SRXN1: variants seen among roughly 807,000 people sequenced by gnomAD.
The protein encoded by SRXN1 is sulfiredoxin 1.
SRXN1 carries 11 observed loss-of-function variants against 11.0 expected under a neutral mutation model. The observed-to-expected ratio is 1.00, with a 90% CI of 0.63 to 1.65. The LOEUF (loss-of-function observed/expected upper bound fraction) is 1.65. Among genes scored for constraint, SRXN1 ranks in the 40% most tolerant of loss-of-function variants. The probability of loss-of-function intolerance (pLI) is 0.00; values close to 1 mark genes in which losing one functional copy is unlikely to be tolerated. For missense variants in SRXN1, 211 were observed against 194.5 expected (o/e 1.08, Z -0.50); for synonymous variants, 106 against 92.8 (o/e 1.14, Z -0.82).
intron 1 of SRXN1, among the ~76,000 whole-genome samples, chr20:649,694 T>C (rs1398889375): frequency 2.1e-5 from 3 of 140,254 alleles, no homozygotes; most frequent in Non-Finnish European, 3.1e-5. Flanking sequence ...GGAACGAGAA[T>C]CCATCTCAAA....
At position 648,009 on chromosome 20, in the gene SRXN1, CG is replaced by C. The variant is rs1568637978; in HGVS notation, c.*704del. The C allele has an allele frequency of 2.2e-6, 1 of 446,272 alleles. No individual in the cohort carries two copies. 27.6% of individuals were successfully genotyped at this position (446,272 alleles called of 1,614,324 possible). Reference sequence around the variant, plus strand: ...GCTAGAGGTGCAATGGTAGCTGGCTCGGGCCAAGGGCATCTAAGTGAAGATA... The same window carrying C: ...GCTAGAGGTGCAATGGTAGCTGGCTCGGCCAAGGGCATCTAAGTGAAGATA... On this transcript the variant is annotated 3_prime_UTR_variant, in exon 2 of 2. Transcript: ENST00000381962.
At chr20:649,600 G>T (rs903168344) in intron 1 of SRXN1, among the ~76,000 whole-genome samples, 1 of 152,032 alleles carries the variant, frequency 6.6e-6, no homozygotes, top group South Asian at 2.1e-4. Context: ...TACTCAGGAG[G>T]CTGAGGCAGG....
chr20:653,055 ACG>A lies in SRXN1; in HGVS notation c.129_130del (p.Val44AlafsTer47). On this transcript the variant is annotated frameshift_variant, in exon 1 of 2. Transcript: ENST00000381962. LOFTEE classifies it high-confidence loss of function. ...CGGCCGGATGAGCACGCTCAGCGGCACGTTGTGCACCGCGGCGATGCGGCCCG... is the reference window on the plus strand; with the variant it reads ...CGGCCGGATGAGCACGCTCAGCGGCATTGTGCACCGCGGCGATGCGGCCCG... The A allele has an allele frequency of 6.5e-7, 1 of 1,547,188 alleles. No individual in the cohort carries two copies. The highest frequency in any genetic ancestry group is 2.5e-5 in the East Asian group (1 of 39,964).
In SRXN1 at chr20:648,747, C is replaced by G; in HGVS notation, c.381G>C (p.Val127=). The change falls in exon 2 of 2, where the codon GTG becomes GTC. Residue 127 remains valine, a synonymous_variant. Coordinates refer to ENST00000381962, the MANE Select transcript of SRXN1 (RefSeq NM_080725.3). Reference sequence around the variant, plus strand: ...AGTCTGGTGTGGATGCTCCCAGGTACACCCTTAGGTCTGAGAGAGTGGACT... The same window carrying G: ...AGTCTGGTGTGGATGCTCCCAGGTAGACCCTTAGGTCTGAGAGAGTGGACT... ...LVQSTLSDLR[V]YLGASTPDLQ is the part of the protein sequence containing the mutation. 1.2e-6 allele frequency: 2 copies of G among 1,614,268 alleles called. No individual in the cohort carries two copies. The highest frequency in any genetic ancestry group is 1.7e-6 in the Non-Finnish European group (2 of 1,180,038).
At position 648,010 on chromosome 20, in the gene SRXN1, G is replaced by C. The variant is rs76240668; in HGVS notation, c.*704C>G. 1 of 447,166 alleles carries C rather than the reference G, an allele frequency of 2.2e-6. No homozygotes were observed. Among genetic ancestry groups the C allele is most frequent in the Non-Finnish European group, 4.5e-6 (1 of 221,516 alleles). The allele number at this position is 447,166 out of a possible 1,614,324, so 27.7% of individuals were successfully genotyped here. On this transcript the variant is annotated 3_prime_UTR_variant, in exon 2 of 2. Coordinates refer to ENST00000381962, the MANE Select transcript of SRXN1 (RefSeq NM_080725.3). ...CTAGAGGTGCAATGGTAGCTGGCTC[G>C]GGCCAAGGGCATCTAAGTGAAGATA...
chr20:650,249 G>A (rs1983638808), intron 1 of SRXN1, among the ~76,000 whole-genome samples: 1 of 152,194 alleles, frequency 6.6e-6, no homozygotes, highest in Non-Finnish European at 1.5e-5. Context: ...GCACAGGGCT[G>A]GAAGGCAGAG....
Position 648,765 on chromosome 20 carries a change from A to G in SRXN1, c.363T>C (p.Thr121=). The G allele has an allele frequency of 1.9e-6, 3 of 1,614,204 alleles. No individual in the cohort carries two copies. The highest frequency in any genetic ancestry group is 2.2e-5 in the South Asian group (2 of 91,086). Residue 121 remains threonine (T), a synonymous_variant, in exon 2 of 2, where the codon ACT becomes ACC. Transcript: ENST00000381962. ...ETIPAKLVQS[T]LSDLRVYLGA... ...CCAGGTACACCCTTAGGTCTGAGAGAGTGGACTGGACAAGCTTGGCGGGGA... is the reference window on the plus strand; with the variant it reads ...CCAGGTACACCCTTAGGTCTGAGAGGGTGGACTGGACAAGCTTGGCGGGGA...
intron 1 of SRXN1, among the ~76,000 whole-genome samples, chr20:652,171 T>A (rs1215910878): frequency 1.3e-5 from 2 of 151,920 alleles, no homozygotes; most frequent in Non-Finnish European, 2.9e-5. Flanking sequence ...GGCCCTGTGG[T>A]TGTCTGGGGA....
In SRXN1 at chr20:646,724, C is replaced by T. The variant is rs1040706777; in HGVS notation, c.*1990G>A. ...TGTATACCCTTCACCCAGCCTACCCCAAGGTCAACATCTTACATCACCATG... is the reference window on the plus strand; with the variant it reads ...TGTATACCCTTCACCCAGCCTACCCTAAGGTCAACATCTTACATCACCATG... On this transcript the variant is annotated 3_prime_UTR_variant, in exon 2 of 2. Coordinates refer to ENST00000381962, the MANE Select transcript of SRXN1 (RefSeq NM_080725.3). The T allele has an allele frequency of 9.9e-5, 15 of 151,738 alleles. No individual in the cohort carries two copies. Among genetic ancestry groups the T allele is most frequent in the Non-Finnish European group, 1.5e-5 (1 of 67,984 alleles). 9.4% of individuals were successfully genotyped at this position (151,738 alleles called of 1,614,324 possible).
chr20:648,544 T>C lies in SRXN1; in HGVS notation c.*170A>G. ...GGTGGGAACTGGGGCTCCCACACTGTACAGTGAGTCCAAGGCCTTGTAGCT... is the reference window on the plus strand; with the variant it reads ...GGTGGGAACTGGGGCTCCCACACTGCACAGTGAGTCCAAGGCCTTGTAGCT... On this transcript the variant is annotated 3_prime_UTR_variant, in exon 2 of 2. Transcript: ENST00000381962. The C allele has an allele frequency of 1.4e-6, 1 of 724,798 alleles. No homozygotes were observed. Among genetic ancestry groups the C allele is most frequent in the Non-Finnish European group, 2.4e-6 (1 of 424,214 alleles). The allele number at this position is 724,798 out of a possible 1,614,324, so 44.9% of individuals were successfully genotyped here.
chr20:653,149 C>T lies in SRXN1; in HGVS notation c.37G>A (p.Gly13Ser). Residue 13 changes from glycine (G) to serine (S), a missense_variant, in exon 1 of 2, where the codon GGC (glycine) becomes AGC (serine). Gly to Ser is a moderately conservative substitution (Grantham distance 56). Transcript: ENST00000381962. The stretch of plus-strand genomic sequence containing the variant: ...CCCTCGGGCGCCCCCCGACCCGCGC[C>T]GGCCCTGCCCAGCGTTCCTCCTGCA... ...LRAGGTLGRA[G>S]AGRGAPEGPG... The T allele has an allele frequency of 8.6e-6, 11 of 1,274,390 alleles. No individual in the cohort carries two copies. The highest frequency in any genetic ancestry group is 1.1e-5 in the Non-Finnish European group (11 of 1,015,354). 78.9% of individuals were successfully genotyped at this position (1,274,390 alleles called of 1,614,324 possible).
At chr20:652,681 G>C (rs1025996869) in intron 1 of SRXN1, among the ~76,000 whole-genome samples, 2 of 152,098 alleles carry the variant, frequency 1.3e-5, no homozygotes, top group Non-Finnish European at 2.9e-5. Context: ...CTACCTCCTA[G>C]GGTTGGCATA....
chr20:650,443 C>G lies in SRXN1; in HGVS notation c.211-1526G>C, dbSNP rs189602161. Among the ~76,000 whole-genome samples the G allele has an allele frequency of 1.3e-4, 20 of 152,310 alleles. No homozygotes were observed. The East Asian group carries it at 3.7e-3, about 28-fold the overall frequency. Reference sequence around the variant, plus strand: ...GTTGACTTCCTGTTAGGGGCCCACACAGCCAGGTGGAGAGTAGGTCATCCT... The same window carrying G: ...GTTGACTTCCTGTTAGGGGCCCACAGAGCCAGGTGGAGAGTAGGTCATCCT... On this transcript the variant is annotated intron_variant, in intron 1 of 1. Transcript: ENST00000381962.
At chr20:651,191 C>T (rs1024236147) in intron 1 of SRXN1, among the ~76,000 whole-genome samples, 8 of 152,190 alleles carry the variant, frequency 5.3e-5, no homozygotes, top group Non-Finnish European at 1.2e-4. Flanking sequence ...CCCCTAGAGC[C>T]TACAGAAAGT....
Position 648,666 on chromosome 20 carries a change from G to A in SRXN1, c.*48C>T, listed in dbSNP as rs1983596627. 2 of 1,600,606 alleles carry A rather than the reference G, an allele frequency of 1.2e-6. No homozygotes were observed. The highest frequency in any genetic ancestry group is 1.1e-5 in the South Asian group (1 of 90,674). ...CATGGCCCAGCCTGCTGGAGGCCAGGTGTGTCTTCTGGGCTCTTGAAGGTG... is the reference window on the plus strand; with the variant it reads ...CATGGCCCAGCCTGCTGGAGGCCAGATGTGTCTTCTGGGCTCTTGAAGGTG... On this transcript the variant is annotated 3_prime_UTR_variant, in exon 2 of 2. Transcript: ENST00000381962.
rs1983596297 is a variant in SRXN1 at position 648,657 on chromosome 20, G to A, written c.*57C>T. 1 of 1,590,868 alleles carries A rather than the reference G, an allele frequency of 6.3e-7. No individual in the cohort carries two copies. The highest frequency in any genetic ancestry group is 8.6e-7 in the Non-Finnish European group (1 of 1,160,420). On this transcript the variant is annotated 3_prime_UTR_variant, in exon 2 of 2. Transcript: ENST00000381962. ...TCCCTTCTGCATGGCCCAGCCTGCT[G>A]GAGGCCAGGTGTGTCTTCTGGGCTC...
chr20:652,934 C>T (rs1983712038), intron 1 of SRXN1, 42 bp downstream of exon 1: 8 of 1,362,004 alleles, frequency 5.9e-6, no homozygotes, highest in African/African-American at 3.0e-5. Context: ...CTCCCTCCTC[C>T]GAAGCCCTCC....
At position 653,065 on chromosome 20, in the gene SRXN1, C is replaced by A. The variant is rs768265034; in HGVS notation, c.121G>T (p.Val41Leu). ...GSIHSGRIAA[V>L]HNVPLSVLIR... ...AGCACGCTCAGCGGCACGTTGTGCA[C>A]CGCGGCGATGCGGCCCGAGTGGATG... Residue 41 changes from valine to leucine, a missense_variant, in exon 1 of 2, where the codon GTG becomes TTG. Physicochemically the swap from Val to Leu is conservative, Grantham distance 32. Transcript: ENST00000381962. The A allele has an allele frequency of 6.5e-7, 1 of 1,531,420 alleles. No homozygotes were observed. The highest frequency in any genetic ancestry group is 8.7e-7 in the Non-Finnish European group (1 of 1,143,212). The allele number at this position is 1,531,420 out of a possible 1,614,324, so 94.9% of individuals were successfully genotyped here. A position where few individuals can be genotyped will look rare whatever the true frequency, so the allele number is the denominator to read the frequency against.
In SRXN1 at chr20:653,141, A is replaced by G; in HGVS notation, c.45T>C (p.Gly15=). Residue 15 remains glycine, a synonymous_variant, in exon 1 of 2, where the codon GGT becomes GGC. Coordinates refer to ENST00000381962, the MANE Select transcript of SRXN1 (RefSeq NM_080725.3). ...GCCCGGGCCCCTCGGGCGCCCCCCGACCCGCGCCGGCCCTGCCCAGCGTTC... is the reference window on the plus strand; with the variant it reads ...GCCCGGGCCCCTCGGGCGCCCCCCGGCCCGCGCCGGCCCTGCCCAGCGTTC... ...AGGTLGRAGA[G]RGAPEGPGPS... is the part of the protein sequence containing the mutation. 1.6e-6 allele frequency: 2 copies of G among 1,280,092 alleles called. No homozygotes were observed. Among genetic ancestry groups the G allele is most frequent in the Non-Finnish European group, 2.0e-6 (2 of 1,019,722 alleles). 79.3% of individuals were successfully genotyped at this position (1,280,092 alleles called of 1,614,324 possible).
Sources: allele counts gnomAD v4.1 joint callset (sites outside exome capture counted in the v4.1 genomes callset), GRCh38; gene constraint gnomAD v4.1.1; transcripts MANE v1.5; gene names NCBI Gene and HGNC (gene_info 2026-07-23, HGNC 2026-07-21).